Variants in CD300LD observed in about 807,000 individuals in gnomAD.
The protein encoded by CD300LD is CMRF35-like molecule 5.
A neutral mutation model predicts 20.3 loss-of-function variants in CD300LD; 18 were observed. The ratio of observed to expected loss-of-function variants is 0.89; its 90% CI spans 0.61 to 1.32. CD300LD has a LOEUF of 1.32. Among genes scored for constraint, CD300LD ranks in the 40% most tolerant of loss-of-function variants. CD300LD has a pLI of 0.00. For synonymous variants in CD300LD, 104 were observed against 90.1 expected, an observed-to-expected ratio of 1.15 and a Z score of -0.87; for missense variants, 195 against 226.6, an observed-to-expected ratio of 0.86 and a Z score of 0.90.
chr17:74,588,626 G>A lies in CD300LD; in HGVS notation c.264C>T (p.His88=), dbSNP rs755931050. ...GATTCTCCATGGTCACGGTGAACAC[G>A]TGGTTTTTCTGATTGTCCCTGATGG... is the stretch of plus-strand genomic sequence containing the variant. The part of the protein sequence containing the change: ...RVSIRDNQKN[H]VFTVTMENLK... Residue 88 remains histidine, a synonymous_variant, in exon 2 of 4, where the codon CAC becomes CAT. Coordinates refer to ENST00000375352, the MANE Select transcript of CD300LD (RefSeq NM_001115152.2). The A allele has an allele frequency of 5.0e-6, 8 of 1,613,918 alleles. No homozygotes were observed. The highest frequency in any genetic ancestry group is 2.2e-5 in the East Asian group (1 of 44,898).
At chr17:74,590,631 C>T (rs2030288224) in intron 1 of CD300LD, 2 of 152,038 alleles carry the variant, frequency 1.3e-5, no homozygotes, top group Non-Finnish European at 2.9e-5. Flanking sequence ...CTTTCTATGG[C>T]ATCTGAAGGG....
intron 2 of CD300LD, among the ~76,000 whole-genome samples, chr17:74,586,231 A>G (rs1379765763): frequency 3.9e-5 from 6 of 152,224 alleles, no homozygotes; most frequent in African/African-American, 1.4e-4. Flanking sequence ...GTGGGAACTG[A>G]ACTTCATTGC....
Position 74,588,726 on chromosome 17 carries a change from C to G in CD300LD, c.164G>C (p.Gly55Ala). ...WETYLKWRCQGADWNYCNILV... is the reference protein window; with the variant it reads ...WETYLKWRCQAADWNYCNILV... The stretch of plus-strand genomic sequence containing the variant: ...GATGTTACAGTAATTCCAATCAGCT[C>G]CTTGACACCGCCACTTCAAGTAGGT... Residue 55 changes from glycine to alanine, a missense_variant, in exon 2 of 4, where the codon GGA becomes GCA. By Grantham distance (60) the Gly-to-Ala change is moderately conservative. Transcript: ENST00000375352. 6.2e-7 allele frequency: 1 copy of G among 1,614,222 alleles called. No homozygotes were observed.
intron 1 of CD300LD, chr17:74,590,537 G>A (rs998830724): frequency 7.2e-5 from 11 of 151,778 alleles, no homozygotes; most frequent in African/African-American, 1.7e-4. Flanking sequence ...TGGTGGGAGC[G>A]GAAGACAATT....
chr17:74,588,734 C>G lies in CD300LD; in HGVS notation c.156G>C (p.Arg52=), dbSNP rs757286773. The change falls in exon 2 of 4, where the codon CGG becomes CGC. Residue 52 remains arginine (R), a synonymous_variant. Coordinates refer to ENST00000375352, the MANE Select transcript of CD300LD (RefSeq NM_001115152.2). ...AGTAATTCCAATCAGCTCCTTGACA[C>G]CGCCACTTCAAGTAGGTCTCCCAGC... ...GSGWETYLKW[R]CQGADWNYCN... 1 of 1,614,170 alleles carries G rather than the reference C, an allele frequency of 6.2e-7. No homozygotes were observed. The highest frequency in any genetic ancestry group is 1.1e-5 in the South Asian group (1 of 91,084).
Position 74,588,835 on chromosome 17 carries a change from C to G in CD300LD, c.55G>C (p.Ala19Pro), listed in dbSNP as rs770203986. Residue 19 changes from alanine to proline, a missense_variant, in exon 2 of 4, where the codon GCT (alanine) becomes CCT (proline). Coordinates refer to ENST00000375352, the MANE Select transcript of CD300LD (RefSeq NM_001115152.2). ...ACTGTTGTTGGACCAGTGATTTTAG[C>G]GGCAATGGAGTAACCTGGAAAACGC... ...LLILPGYSIA[A>P]KITGPTTVNG... is the part of the protein sequence containing the mutation. The G allele has an allele frequency of 1.9e-6, 3 of 1,607,404 alleles. No individual in the cohort carries two copies. The highest frequency in any genetic ancestry group is 2.6e-6 in the Non-Finnish European group (3 of 1,174,592).
chr17:74,585,978 G>A (rs1412469548), intron 2 of CD300LD, among the ~76,000 whole-genome samples: 1 of 152,102 alleles, frequency 6.6e-6, no homozygotes, highest in Non-Finnish European at 1.5e-5. Context: ...AACATGCCTG[G>A]GCCACAATTC....
At chr17:74,590,342 T>A (rs1054540267) in intron 1 of CD300LD, among the ~76,000 whole-genome samples, 33 of 152,338 alleles carry the variant, frequency 2.2e-4, no homozygotes, top group Non-Finnish European at 4.0e-4. Flanking sequence ...CTCGGGTATG[T>A]CCTTATCAGC....
chr17:74,582,775 C>T (rs2030065837), intron 2 of CD300LD, among the ~76,000 whole-genome samples: 1 of 152,164 alleles, frequency 6.6e-6, no homozygotes, highest in East Asian at 1.9e-4. Flanking sequence ...CTGGCCGTTT[C>T]CTGTCTTCCA....
At chr17:74,591,983 G>A (rs767345917) in intron 1 of CD300LD, 180 bp downstream of exon 1, 1 of 1,512,420 alleles carries the variant, frequency 6.6e-7, no homozygotes, top group Non-Finnish European at 8.9e-7. Flanking sequence ...TGTTTCTGCA[G>A]CATCTAACAC....
chr17:74,585,470 C>T (rs536496305), intron 2 of CD300LD, among the ~76,000 whole-genome samples: 12 of 152,238 alleles, frequency 7.9e-5, no homozygotes, highest in Middle Eastern at 3.4e-3. Flanking sequence ...GTAGCAGAAA[C>T]GTCTGTACTG....
intron 2 of CD300LD, among the ~76,000 whole-genome samples, chr17:74,583,387 C>T (rs538453178): frequency 3.3e-4 from 50 of 152,316 alleles, no homozygotes; most frequent in African/African-American, 9.9e-4. Context: ...GAGGGGCAAC[C>T]GCAAGAAGGG....
intron 2 of CD300LD, among the ~76,000 whole-genome samples, chr17:74,586,550 C>T (rs907280908): frequency 1.3e-5 from 2 of 152,144 alleles, no homozygotes; most frequent in African/African-American, 4.8e-5. Flanking sequence ...GCCCTATAAA[C>T]AATGGAGGCA....
Position 74,579,804 on chromosome 17 carries a change from G to A in CD300LD, c.*198C>T, listed in dbSNP as rs1568020344. ...GGAGGTTGAGGCAGGAGGATCGCTT[G>A]AGCCTGGGAGGGGAAAGTTGCAGTG... On this transcript the variant is annotated 3_prime_UTR_variant, in exon 4 of 4. Transcript: ENST00000375352. 1 of 364,422 alleles carries A rather than the reference G, an allele frequency of 2.7e-6. No individual in the cohort carries two copies. The allele number at this position is 364,422 out of a possible 1,614,324, so 22.6% of individuals were successfully genotyped here.
intron 1 of CD300LD, among the ~76,000 whole-genome samples, chr17:74,589,772 T>C (rs1470826226): frequency 3.3e-5 from 5 of 152,278 alleles, no homozygotes; most frequent in Admixed American, 2.0e-4. Flanking sequence ...ATTTATGCAC[T>C]GGCAATAAAC....
intron 1 of CD300LD, chr17:74,591,960 T>G: frequency 6.9e-7 from 1 of 1,449,818 alleles, no homozygotes; most frequent in Non-Finnish European, 9.3e-7. Context: ...ACTTGTTTTG[T>G]TTTGTGTGTG....
intron 3 of CD300LD, among the ~76,000 whole-genome samples, chr17:74,581,505 G>A (rs991321543): frequency 6.6e-6 from 1 of 152,234 alleles, no homozygotes. Context: ...GGGCTGGTGA[G>A]CATCAGACTA....
intron 2 of CD300LD, chr17:74,585,025 T>G (rs1416843649): frequency 1.3e-5 from 2 of 152,180 alleles, no homozygotes; most frequent in African/African-American, 2.4e-5. Context: ...AATGGGAAGT[T>G]TTCTGAATAA....
intron 2 of CD300LD, among the ~76,000 whole-genome samples, chr17:74,586,653 G>T (rs76810577): frequency 6.6e-6 from 1 of 152,062 alleles, no homozygotes; most frequent in Non-Finnish European, 1.5e-5. Context: ...CTCAGGATTC[G>T]ATCTCCCAGT....
Sources: allele counts gnomAD v4.1 joint callset (sites outside exome capture counted in the v4.1 genomes callset), GRCh38; gene constraint gnomAD v4.1.1; transcripts MANE v1.5; gene names NCBI Gene and HGNC (gene_info 2026-07-23, HGNC 2026-07-21).